The following ZNF700 variants were observed in gnomAD, a reference collection of about 807,000 sequenced individuals.
ZNF700 encodes the protein zinc finger protein 700.
Under a neutral mutation model 65.3 loss-of-function variants are expected in ZNF700, and 38 were observed. The observed-to-expected ratio is 0.58, with a 90% confidence interval of 0.45 to 0.76. The LOEUF (loss-of-function observed/expected upper bound fraction) is 0.76, where lower values mean the gene tolerates loss of function less well. Among genes scored for constraint, ZNF700 ranks in the 30% least tolerant of loss-of-function variants. The pLI, the probability that ZNF700 is intolerant of heterozygous loss-of-function variation, is 0.00. For missense variants in ZNF700, 857 were observed against 888.4 expected (o/e 0.96, Z 0.45); for synonymous variants, 285 against 290.4 (o/e 0.98, Z 0.19).
chr19:11,948,260 T>C lies in ZNF700; in HGVS notation c.252-16T>C. 6.2e-7 allele frequency: 1 copy of C among 1,607,910 alleles called. No homozygotes were observed. Among genetic ancestry groups the C allele is most frequent in the Non-Finnish European group, 8.5e-7 (1 of 1,178,206 alleles). On this transcript the variant is annotated splice_polypyrimidine_tract_variant and intron_variant, in intron 3 of 3. Transcript: ENST00000254321. ...TGTAAACAAACCCTTCATGATGTGT[T>C]TCTCATGTTTTACAGGAGTCTCATA...
intron 1 of ZNF700, among the ~76,000 whole-genome samples, chr19:11,940,766 T>C (rs1972869014): frequency 6.6e-6 from 1 of 152,210 alleles, no homozygotes; most frequent in Non-Finnish European, 1.5e-5. Flanking sequence ...CCGAGTGGTC[T>C]GTTTTGACAG....
intron 1 of ZNF700, among the ~76,000 whole-genome samples, chr19:11,932,890 G>A (rs1599280844): frequency 2.7e-5 from 4 of 148,282 alleles, no homozygotes; most frequent in Admixed American, 6.6e-5. Context: ...GCCTGCCTCA[G>A]CCTCCCAAAG....
intron 1 of ZNF700, among the ~76,000 whole-genome samples, chr19:11,941,529 G>C (rs913972371): frequency 6.6e-6 from 1 of 152,210 alleles, no homozygotes; most frequent in Non-Finnish European, 1.5e-5. Context: ...CTCTGCAGCC[G>C]CTGGCCCAGG....
At chr19:11,933,204 A>T (rs1972740797) in intron 1 of ZNF700, among the ~76,000 whole-genome samples, 1 of 145,838 alleles carries the variant, frequency 6.9e-6, no homozygotes, top group South Asian at 2.1e-4. Context: ...GATAGCTTGG[A>T]CTCAGGAGTT....
Position 11,948,482 on chromosome 19 carries a change from C to T in ZNF700, c.458C>T (p.Ala153Val), listed in dbSNP as rs781102435. The change falls in exon 4 of 4, where the codon GCA becomes GTA. Residue 153 changes from alanine to valine, a missense_variant. Around this residue, in one of 3 missense-constraint regions of ZNF700, gnomAD observed 603 missense variants for 619.9 expected, o/e 0.97. Coordinates refer to ENST00000254321, the MANE Select transcript of ZNF700 (RefSeq NM_144566.3). ...MSIRGDTGHK[A>V]YEYQEYGPKP... ...ATCAGAGGTGACACTGGACACAAGG[C>T]ATATGAGTATCAGGAATATGGACCA... 7.0e-5 allele frequency: 113 copies of T among 1,613,932 alleles called. No homozygotes were observed. The Admixed American group carries it at 1.8e-3, about 26-fold the overall frequency.
chr19:11,925,231 G>A lies in ZNF700; in HGVS notation c.21G>A (p.Arg7=). The A allele has an allele frequency of 6.2e-7, 1 of 1,613,132 alleles. No individual in the cohort carries two copies. The highest frequency in any genetic ancestry group is 8.5e-7 in the Non-Finnish European group (1 of 1,179,336). The part of the protein sequence containing the change: MPCCSH[R]SCREDPGTSE... The stretch of plus-strand genomic sequence containing the variant: ...GCGCTATGCCCTGCTGTAGTCACAG[G>A]AGCTGTAGAGAGGACCCCGGTACAT... Residue 7 remains arginine (R), a synonymous_variant, in exon 1 of 4, where the codon AGG becomes AGA. Transcript: ENST00000254321.
At chr19:11,940,976 G>A (rs1972872804) in intron 1 of ZNF700, among the ~76,000 whole-genome samples, 1 of 151,820 alleles carries the variant, frequency 6.6e-6, no homozygotes, top group Admixed American at 6.6e-5. Context: ...CAAACCTTGA[G>A]CTAGATACAG....
At chr19:11,941,193 C>T (rs1972877020) in intron 1 of ZNF700, among the ~76,000 whole-genome samples, 1 of 152,256 alleles carries the variant, frequency 6.6e-6, no homozygotes, top group Non-Finnish European at 1.5e-5. Context: ...CATAAAGTTT[C>T]TCCACGTCCC....
At chr19:11,937,084 G>T (rs937322014) in intron 1 of ZNF700, among the ~76,000 whole-genome samples, 8 of 152,074 alleles carry the variant, frequency 5.3e-5, no homozygotes, top group African/African-American at 1.9e-4. Flanking sequence ...GTTTTACTTT[G>T]AAGTCCAATT....
At chr19:11,934,955 T>C (rs279242) in intron 1 of ZNF700, among the ~76,000 whole-genome samples, 9 of 146,828 alleles carry the variant, frequency 6.1e-5, no homozygotes, top group East Asian at 6.1e-4. Flanking sequence ...CCAAGGCGGG[T>C]GGATCAGGAG....
At chr19:11,928,455 G>A (rs185208686) in intron 1 of ZNF700, among the ~76,000 whole-genome samples, 7 of 150,766 alleles carry the variant, frequency 4.6e-5, no homozygotes, top group East Asian at 1.9e-4. Context: ...TCTCTGGGCC[G>A]GGCGCGGTGG....
At chr19:11,945,000 A>C (rs1972938613) in intron 1 of ZNF700, among the ~76,000 whole-genome samples, 1 of 152,236 alleles carries the variant, frequency 6.6e-6, no homozygotes, top group Admixed American at 6.5e-5. Context: ...GCCTGGAGAA[A>C]GTCCTTTTCT....
At chr19:11,947,974 T>C (rs963179018) in intron 3 of ZNF700, among the ~76,000 whole-genome samples, 2 of 152,232 alleles carry the variant, frequency 1.3e-5, no homozygotes, top group Non-Finnish European at 2.9e-5. Context: ...GATATCACTG[T>C]ACTCCAGCAT....
chr19:11,938,046 C>T (rs750938622), intron 1 of ZNF700, among the ~76,000 whole-genome samples: 1 of 151,984 alleles, frequency 6.6e-6, no homozygotes, highest in South Asian at 2.1e-4. Context: ...GATACCTTTT[C>T]TGCCTCTATT....
chr19:11,950,127 G>A lies in ZNF700; in HGVS notation c.2103G>A (p.Glu701=). The A allele has an allele frequency of 6.2e-7, 1 of 1,614,114 alleles. No individual in the cohort carries two copies. The highest frequency in any genetic ancestry group is 8.5e-7 in the Non-Finnish European group (1 of 1,180,006). The part of the protein sequence containing the change: ...LQIHARTHIG[E]KHYECKECGK... Reference sequence around the variant, plus strand: ...TACATGCAAGAACACACATTGGAGAGAAACACTATGAATGTAAGGAATGCG... The same window carrying A: ...TACATGCAAGAACACACATTGGAGAAAAACACTATGAATGTAAGGAATGCG... Residue 701 remains glutamate, a synonymous_variant, in exon 4 of 4, where the codon GAG becomes GAA. Coordinates refer to ENST00000254321, the MANE Select transcript of ZNF700 (RefSeq NM_144566.3).
At chr19:11,941,010 T>C (rs2145290549) in intron 1 of ZNF700, among the ~76,000 whole-genome samples, 1 of 152,052 alleles carries the variant, frequency 6.6e-6, no homozygotes, top group South Asian at 2.1e-4. Context: ...GTATTTACAA[T>C]CCCTGAGCTA....
Position 11,949,301 on chromosome 19 carries a change from C to T in ZNF700, c.1277C>T (p.Ala426Val). Residue 426 changes from alanine to valine, a missense_variant, in exon 4 of 4, where the codon GCC becomes GTC. This residue lies in a region of ZNF700 where 603 missense variants were observed against 619.9 expected (regional missense o/e 0.97). Transcript: ENST00000254321. ...TATGAGTGTAAGCAGTGTGGGAAAG[C>T]CTTCAGATCTGCCTCACAGCTTCGA... ...KPYECKQCGK[A>V]FRSASQLRVH... is the part of the protein sequence containing the mutation. The T allele has an allele frequency of 6.2e-7, 1 of 1,613,892 alleles. No individual in the cohort carries two copies. The highest frequency in any genetic ancestry group is 8.5e-7 in the Non-Finnish European group (1 of 1,179,958).
Position 11,949,076 on chromosome 19 carries a change from C to G in ZNF700, c.1052C>G (p.Thr351Arg), listed in dbSNP as rs755382156. The G allele has an allele frequency of 1.2e-6, 2 of 1,609,840 alleles. No individual in the cohort carries two copies. The highest frequency in any genetic ancestry group is 2.2e-5 in the South Asian group (2 of 90,154). The change falls in exon 4 of 4, where the codon ACA (threonine) becomes AGA (arginine). Residue 351 changes from threonine to arginine, a missense_variant. By Grantham distance (71) the Thr-to-Arg change is moderately conservative (BLOSUM62 -1). Transcript: ENST00000254321. The stretch of plus-strand genomic sequence containing the variant: ...TTATCCTATCTTATAAGTTTTCAAA[C>G]ACACATAAGAATGAACTCTGGAGAA... ...EGLSYLISFQ[T>R]HIRMNSGERP...
rs1183003921 is a variant in ZNF700 at position 11,950,616 on chromosome 19, GA to G, written c.*365del. The G allele has an allele frequency of 2.3e-6, 1 of 433,334 alleles. No individual in the cohort carries two copies. Among genetic ancestry groups the G allele is most frequent in the Non-Finnish European group, 4.4e-6 (1 of 224,730 alleles). 26.8% of individuals were successfully genotyped at this position (433,334 alleles called of 1,614,324 possible). On this transcript the variant is annotated 3_prime_UTR_variant, in exon 4 of 4. Transcript: ENST00000254321. ...GGTTCACACTTGGGAGAAACTCTAT[GA>G]ATGTAAGCAGTATGGGAAAGCCTTC...
Sources: gnomAD v4.1 joint callset for allele counts (sites outside exome capture counted in the v4.1 genomes callset) on GRCh38, gnomAD v4.1.1 for gene constraint, gnomAD v4.1.1 regional missense constraint, MANE v1.5 for transcripts, NCBI Gene and HGNC (gene_info 2026-07-23, HGNC 2026-07-21) for gene names.